The following CHN1 variants were observed in gnomAD, a reference collection of about 807,000 sequenced individuals.
CHN1 encodes the protein chimerin 1.
A neutral mutation model predicts 59.5 loss-of-function variants in CHN1; 37 were observed. The observed-to-expected ratio is 0.62, with a 90% CI of 0.48 to 0.82. The LOEUF is 0.82. Among genes scored for constraint, CHN1 ranks in the 40% least tolerant of loss-of-function variants. The pLI is 0.00. For synonymous variants in CHN1, 206 were observed against 200.4 expected (o/e 1.03, Z -0.24); for missense variants, 469 against 571.0 (o/e 0.82, Z 1.82).
chr2:174,951,255 T>C (rs372811862), intron 2 of CHN1, among the ~76,000 whole-genome samples: 14 of 152,222 alleles, frequency 9.2e-5, no homozygotes, highest in African/African-American at 3.1e-4. Flanking sequence ...AGACTGTTCA[T>C]ATTTTACTTA....
intron 6 of CHN1, among the ~76,000 whole-genome samples, chr2:174,860,232 C>T (rs2105451737): frequency 1.3e-5 from 2 of 152,194 alleles, no homozygotes; most frequent in South Asian, 4.2e-4. Flanking sequence ...ATTAAGCTTT[C>T]CATTAAAATC....
intron 1 of CHN1, among the ~76,000 whole-genome samples, chr2:174,955,370 G>A (rs1013528599): frequency 2.6e-5 from 4 of 151,886 alleles, no homozygotes; most frequent in Admixed American, 1.3e-4. Context: ...ATTATTTTAA[G>A]TGAAGTAACT....
intron 3 of CHN1, chr2:174,921,056 C>A (rs1689002785): frequency 5.0e-6 from 2 of 397,476 alleles, no homozygotes; most frequent in African/African-American, 2.0e-5. Context: ...TGAGAGGAGG[C>A]AGAGCTCAGG....
At position 174,945,867 on chromosome 2, in the gene CHN1, T is replaced by C. The variant is rs183808919; in HGVS notation, c.59-924A>G. On this transcript the variant is annotated intron_variant, in intron 2 of 12. Coordinates refer to ENST00000409900, the MANE Select transcript of CHN1 (RefSeq NM_001822.7). Reference sequence around the variant, plus strand: ...TTCATATACATCATAGGGACATATATAGAATAAATACAATTAGACTATACA... The same window carrying C: ...TTCATATACATCATAGGGACATATACAGAATAAATACAATTAGACTATACA... Among the ~76,000 whole-genome samples the C allele has an allele frequency of 6.9e-4, 105 of 152,144 alleles. 2 individuals are homozygous for C. Among genetic ancestry groups the C allele is most frequent in the Middle Eastern group, 3.4e-3 (1 of 294 alleles).
intron 6 of CHN1, among the ~76,000 whole-genome samples, chr2:174,850,793 G>A (rs994585137): frequency 6.6e-6 from 1 of 152,148 alleles, no homozygotes; most frequent in Non-Finnish European, 1.5e-5. Context: ...TGACATGTAT[G>A]CCAGCTGAGG....
intron 11 of CHN1, chr2:174,802,156 T>C (rs1049075350): frequency 1.9e-5 from 5 of 257,034 alleles, no homozygotes; most frequent in Admixed American, 4.9e-5. Flanking sequence ...TAAAAACTTA[T>C]ACATTCAAAT....
intron 6 of CHN1, among the ~76,000 whole-genome samples, chr2:174,872,548 T>G (rs760621764): frequency 2.0e-5 from 3 of 152,034 alleles, no homozygotes; most frequent in Non-Finnish European, 4.4e-5. Flanking sequence ...CACAGGAAAA[T>G]AATATATTTT....
intron 1 of CHN1, among the ~76,000 whole-genome samples, chr2:174,980,326 C>T (rs972276753): frequency 3.3e-5 from 5 of 152,274 alleles, no homozygotes; most frequent in Admixed American, 1.3e-4. Flanking sequence ...CAAACCCCCA[C>T]ATAGCAGTTT....
At chr2:175,001,979 A>T (rs1691904129) in intron 1 of CHN1, among the ~76,000 whole-genome samples, 2 of 152,252 alleles carry the variant, frequency 1.3e-5, no homozygotes. Context: ...ATACGGAATT[A>T]GTTAATAGTT....
intron 5 of CHN1, among the ~76,000 whole-genome samples, chr2:174,882,351 A>G (rs1361930516): frequency 1.3e-5 from 2 of 152,226 alleles, no homozygotes; most frequent in African/African-American, 4.8e-5. Context: ...ATTCAGATGC[A>G]TTTCAAGATA....
At chr2:174,897,156 CA>C (rs1688241748) in intron 5 of CHN1, among the ~76,000 whole-genome samples, 2 of 152,032 alleles carry the variant, frequency 1.3e-5, no homozygotes, top group Non-Finnish European at 2.9e-5. Context: ...CTTTCTTATT[CA>C]AAATGGATGT....
At chr2:174,855,419 A>G (rs1056165058) in intron 6 of CHN1, among the ~76,000 whole-genome samples, 1 of 152,200 alleles carries the variant, frequency 6.6e-6, no homozygotes, top group Non-Finnish European at 1.5e-5. Flanking sequence ...CAATTTCTAT[A>G]AAATGTTAAA....
intron 7 of CHN1, among the ~76,000 whole-genome samples, chr2:174,825,044 T>C (rs572130138): frequency 1.3e-5 from 2 of 152,366 alleles, no homozygotes; most frequent in African/African-American, 4.8e-5. Context: ...ACCAATATTC[T>C]GTAACTTACT....
chr2:174,840,161 CTTTTTTT>C (rs71407154), intron 7 of CHN1, among the ~76,000 whole-genome samples: 874 of 67,428 alleles, frequency 0.013, 5 homozygotes, highest in Middle Eastern at 0.036. Context: ...TAAAACCATT[CTTTTTTT>C]TTTTTTTTTT....
chr2:174,869,255 T>C (rs981130013), intron 6 of CHN1, among the ~76,000 whole-genome samples: 1 of 152,230 alleles, frequency 6.6e-6, no homozygotes, highest in Non-Finnish European at 1.5e-5. Flanking sequence ...CACTGCCTTG[T>C]AATCACTACT....
At chr2:174,886,062 T>A (rs1290263197) in intron 5 of CHN1, among the ~76,000 whole-genome samples, 1 of 152,156 alleles carries the variant, frequency 6.6e-6, no homozygotes, top group Non-Finnish European at 1.5e-5. Context: ...TATGTCAGGA[T>A]AAAAAGTCAC....
chr2:174,943,703 A>C (rs1689741544), intron 3 of CHN1, among the ~76,000 whole-genome samples: 1 of 152,024 alleles, frequency 6.6e-6, no homozygotes, highest in Non-Finnish European at 1.5e-5. Context: ...GATAATAATT[A>C]TGTAAATAAG....
At chr2:174,945,962 T>C (rs1376715302) in intron 2 of CHN1, among the ~76,000 whole-genome samples, 1 of 151,718 alleles carries the variant, frequency 6.6e-6, no homozygotes, top group Non-Finnish European at 1.5e-5. Context: ...TGTATATATA[T>C]ACTATCTCTC....
At chr2:174,802,376 A>G (rs150432111) in intron 11 of CHN1, among the ~76,000 whole-genome samples, 6 of 152,344 alleles carry the variant, frequency 3.9e-5, no homozygotes, top group African/African-American at 1.4e-4. Context: ...ACTGTTTTAA[A>G]TTACTTTGTT....
Sources: gnomAD v4.1 joint callset for allele counts (sites outside exome capture counted in the v4.1 genomes callset) on GRCh38, gnomAD v4.1.1 for gene constraint, MANE v1.5 for transcripts, NCBI Gene and HGNC (gene_info 2026-07-23, HGNC 2026-07-21) for gene names.